Variants in SEMA6B observed in about 807,000 individuals in gnomAD.
The protein encoded by SEMA6B is semaphorin-6B.
SEMA6B carries 47 observed loss-of-function variants against 78.6 expected under a neutral mutation model. That is an observed-to-expected ratio of 0.60 (90% CI 0.47 to 0.76). The LOEUF (loss-of-function observed/expected upper bound fraction) is 0.76, where lower values mean the gene tolerates loss of function less well. SEMA6B is among the 30% of genes least tolerant of loss of function. The pLI is 0.00. For missense variants in SEMA6B, 1,213 were observed against 1,269.9 expected, an observed-to-expected ratio of 0.96 and a Z score of 0.68; for synonymous variants, 632 against 592.2, an observed-to-expected ratio of 1.07 and a Z score of -0.98.
intron 1 of SEMA6B, among the ~76,000 whole-genome samples, chr19:4,559,063 C>T (rs1480748886): frequency 6.6e-6 from 1 of 152,000 alleles, no homozygotes; most frequent in African/African-American, 2.4e-5. Flanking sequence ...GGTATGGTGG[C>T]CTGTGCCCGT....
intron 1 of SEMA6B, among the ~76,000 whole-genome samples, chr19:4,559,014 C>T (rs115046336): frequency 0.017 from 2,655 of 151,960 alleles, 93 homozygotes; most frequent in African/African-American, 0.061. Context: ...CCTAACATAG[C>T]GAAACCCTGT....
Position 4,543,488 on chromosome 19 carries a change from C to T in SEMA6B, c.*113G>A. ...GGCCCCCCACTCCGCGGGTGGGTCG[C>T]GGGGGGGACTTGAGCACCCACTCGG... is the stretch of plus-strand genomic sequence containing the variant. On this transcript the variant is annotated 3_prime_UTR_variant, in exon 17 of 17. Coordinates refer to ENST00000586582, the MANE Select transcript of SEMA6B (RefSeq NM_032108.4). 2.7e-6 allele frequency: 1 copy of T among 372,038 alleles called. No homozygotes were observed. The highest frequency in any genetic ancestry group is 4.5e-6 in the Non-Finnish European group (1 of 224,402). The allele number at this position is 372,038 out of a possible 1,614,324, so 23.0% of individuals were successfully genotyped here. A position where few individuals can be genotyped will look rare whatever the true frequency, so the allele number is the denominator to read the frequency against.
In SEMA6B at chr19:4,550,612, C is replaced by T. The variant is rs571122763; in HGVS notation, c.1121+187G>A. Among the ~76,000 whole-genome samples, 1 of 152,284 alleles carries T rather than the reference C, an allele frequency of 6.6e-6. No individual in the cohort carries two copies. Among genetic ancestry groups the T allele is most frequent in the African/African-American group, 2.4e-5 (1 of 41,558 alleles). On this transcript the variant is annotated intron_variant, in intron 11 of 16. Coordinates refer to ENST00000586582, the MANE Select transcript of SEMA6B (RefSeq NM_032108.4). This position sits in a 1 kb window ranked among gnomAD's most constrained non-coding sequence, Gnocchi z 6.6. The stretch of plus-strand genomic sequence containing the variant: ...CCCTCGACCTCAGGTGATCTGCCCA[C>T]CTCCGCCTCCCAAAGGGCTAGGATT...
Position 4,552,647 on chromosome 19 carries a change from T to G in SEMA6B, c.772-8A>C, listed in dbSNP as rs1977364215. On this transcript the variant is annotated splice_region_variant and splice_polypyrimidine_tract_variant and intron_variant, in intron 9 of 16. Transcript: ENST00000586582. This position sits in a 1 kb window ranked among gnomAD's most constrained non-coding sequence, Gnocchi z 7.4. ...CACGCGGGACACCACCACCTGGGCG[T>G]GACAGTGGACGGACGGGGGCCTGAG... The G allele has an allele frequency of 1.9e-6, 3 of 1,595,776 alleles. No homozygotes were observed. The highest frequency in any genetic ancestry group is 1.7e-6 in the Non-Finnish European group (2 of 1,169,038).
At chr19:4,551,018 C>T in intron 10 of SEMA6B, 88 bp from the exon 11 acceptor site, 1 of 1,472,868 alleles carries the variant, frequency 6.8e-7, no homozygotes. Flanking sequence ...TCTGCAGGAG[C>T]CAGTGAATCT....
chr19:4,557,093 C>G, intron 4 of SEMA6B, 70 bp downstream of exon 4: 1 of 1,592,350 alleles, frequency 6.3e-7, no homozygotes, highest in Non-Finnish European at 8.6e-7. Flanking sequence ...CCGAATCCAC[C>G]CAGCTCCCCG....
chr19:4,556,106 A>G lies in SEMA6B; in HGVS notation c.370-17T>C, dbSNP rs1221441392. The G allele has an allele frequency of 6.3e-6, 10 of 1,594,098 alleles. No individual in the cohort carries two copies. Among genetic ancestry groups the G allele is most frequent in the Non-Finnish European group, 8.6e-6 (10 of 1,162,006 alleles). On this transcript the variant is annotated splice_polypyrimidine_tract_variant and intron_variant, in intron 5 of 16. Transcript: ENST00000586582. ...ACACTCGCCCTGAGGTGGGGACAGG[A>G]GGAAGCGGGGAGCGCGATGTGGGCG...
intron 3 of SEMA6B, among the ~76,000 whole-genome samples, chr19:4,557,659 C>T (rs551490974): frequency 9.2e-5 from 14 of 152,294 alleles, no homozygotes; most frequent in Non-Finnish European, 1.6e-4. Context: ...GAAGCCCATC[C>T]CTAGAAGCCC....
In SEMA6B at chr19:4,542,627, GC is replaced by G; in HGVS notation, c.*973del. 1 of 542,186 alleles carries G rather than the reference GC, an allele frequency of 1.8e-6. No individual in the cohort carries two copies. The highest frequency in any genetic ancestry group is 3.4e-6 in the Non-Finnish European group (1 of 294,780). The allele number at this position is 542,186 out of a possible 1,614,324, so 33.6% of individuals were successfully genotyped here. A position where few individuals can be genotyped will look rare whatever the true frequency, so the allele number is the denominator to read the frequency against. The stretch of plus-strand genomic sequence containing the variant: ...ACAGAGTTTTATTGATGGGGAGGGG[GC>G]TGGGGGAGGCAAACTCCAGAGAGGG... On this transcript the variant is annotated 3_prime_UTR_variant, in exon 17 of 17. Coordinates refer to ENST00000586582, the MANE Select transcript of SEMA6B (RefSeq NM_032108.4).
intron 14 of SEMA6B, among the ~76,000 whole-genome samples, chr19:4,547,236 CT>C (rs1292234353): frequency 1.3e-5 from 2 of 152,120 alleles, no homozygotes; most frequent in Non-Finnish European, 2.9e-5. Flanking sequence ...CTCCCAAGTG[CT>C]GGGATGACAG....
chr19:4,556,815 G>T, intron 5 of SEMA6B, 136 bp downstream of exon 5: 1 of 783,388 alleles, frequency 1.3e-6, no homozygotes, highest in Non-Finnish European at 2.1e-6. Context: ...AGTTGGGCGG[G>T]GCCAGGGCTG....
Position 4,546,438 on chromosome 19 carries a change from C to G in SEMA6B, c.1633G>C (p.Gly545Arg). The change falls in exon 15 of 17, where the codon GGG becomes CGG. Residue 545 changes from glycine to arginine, a missense_variant. Physicochemically the swap from Gly to Arg is moderately radical, Grantham distance 125. Transcript: ENST00000586582. ...ATGCAGGAGCCGTCGGGGGCCCACC[C>G]GCAGTAGGGGTCCTGACTGCCGATA... ...NCIGSQDPYCGWAPDGSCIFL... is the reference protein window; with the variant it reads ...NCIGSQDPYCRWAPDGSCIFL... 6.3e-7 allele frequency: 1 copy of G among 1,575,604 alleles called. No individual in the cohort carries two copies.
intron 12 of SEMA6B, 49 bp from the exon 13 acceptor site, chr19:4,548,494 G>A (rs1243013391): frequency 6.4e-7 from 1 of 1,551,800 alleles, no homozygotes; most frequent in Admixed American, 1.7e-5. Flanking sequence ...ATCACCACAT[G>A]CCACCAACAC....
intron 3 of SEMA6B, 50 bp downstream of exon 3, chr19:4,557,976 C>G (rs769989272): frequency 3.1e-6 from 4 of 1,305,766 alleles, no homozygotes; most frequent in Non-Finnish European, 3.0e-6. Context: ...CTCTCTCCCC[C>G]TCGCTCATTC....
At position 4,543,026 on chromosome 19, in the gene SEMA6B, A is replaced by G. The variant is rs1977058987; in HGVS notation, c.*575T>C. The stretch of plus-strand genomic sequence containing the variant: ...CCACGATCGTCGCTCGTGGACACAC[A>G]CCCTGCACGCGTGGCCCACTTGACA... On this transcript the variant is annotated 3_prime_UTR_variant, in exon 17 of 17. Coordinates refer to ENST00000586582, the MANE Select transcript of SEMA6B (RefSeq NM_032108.4). 2.9e-6 allele frequency: 2 copies of G among 682,582 alleles called. No individual in the cohort carries two copies. Among genetic ancestry groups the G allele is most frequent in the Non-Finnish European group, 5.4e-6 (2 of 372,742 alleles). The allele number at this position is 682,582 out of a possible 1,614,324, so 42.3% of individuals were successfully genotyped here.
chr19:4,554,560 G>A lies in SEMA6B; in HGVS notation c.683-84C>T, dbSNP rs919429484. 3 of 1,069,194 alleles carry A rather than the reference G, an allele frequency of 2.8e-6. No homozygotes were observed. The African/African-American group carries it at 4.7e-5, about 17-fold the overall frequency. The allele number at this position is 1,069,194 out of a possible 1,614,324, so 66.2% of individuals were successfully genotyped here. On this transcript the variant is annotated intron_variant, in intron 8 of 16. Coordinates refer to ENST00000586582, the MANE Select transcript of SEMA6B (RefSeq NM_032108.4). Reference sequence around the variant, plus strand: ...CTAAGAACTCACTGGCTTTTATGGTGAAGGGGGGACATAGGCTGGTTACCC... The same window carrying A: ...CTAAGAACTCACTGGCTTTTATGGTAAAGGGGGGACATAGGCTGGTTACCC...
At position 4,543,737 on chromosome 19, in the gene SEMA6B, C is replaced by A; in HGVS notation, c.2531G>T (p.Arg844Leu). ...GCCGCTGTTGAACGTGTGGGTGCGG[C>A]GCAGGGTGGCGGCCGGAGGGGCGTG... ...GPHAPPAATL[R>L]RTHTFNSGEA... The change falls in exon 17 of 17, where the codon CGC (arginine) becomes CTC (leucine). Residue 844 changes from arginine (R) to leucine (L), a missense_variant. Coordinates refer to ENST00000586582, the MANE Select transcript of SEMA6B (RefSeq NM_032108.4). 5 of 1,227,654 alleles carry A rather than the reference C, an allele frequency of 4.1e-6. No homozygotes were observed. In the African/African-American group the frequency reaches 6.2e-5, roughly 15 times the overall value. 76.0% of individuals were successfully genotyped at this position (1,227,654 alleles called of 1,614,324 possible).
Position 4,544,449 on chromosome 19 carries a change from A to T in SEMA6B, c.1819T>A (p.Phe607Ile). The T allele has an allele frequency of 6.3e-7, 1 of 1,599,744 alleles. No individual in the cohort carries two copies. Among genetic ancestry groups the T allele is most frequent in the Non-Finnish European group, 8.5e-7 (1 of 1,174,142 alleles). ...NLLVTSSVAAFVVGAVVSGFS... is the reference protein window; with the variant it reads ...NLLVTSSVAAIVVGAVVSGFS... Reference sequence around the variant, plus strand: ...CCGGACACCACGGCTCCCACCACGAAGGCCGCCACCGACGACGTTACCAGC... The same window carrying T: ...CCGGACACCACGGCTCCCACCACGATGGCCGCCACCGACGACGTTACCAGC... The change falls in exon 17 of 17, where the codon TTC becomes ATC. Residue 607 changes from phenylalanine (F) to isoleucine (I), a missense_variant. Phe to Ile is a conservative substitution (Grantham distance 21, BLOSUM62 0). Transcript: ENST00000586582. The surrounding 1 kb of genome is among the most constrained non-coding windows in gnomAD (Gnocchi z 5.1).
At position 4,542,917 on chromosome 19, in the gene SEMA6B, A is replaced by G; in HGVS notation, c.*684T>C. ...CCCTCTGCAGAGTGGGGGGGGTTCA[A>G]ACTCCTAACCGGCACCTCGGAGACC... On this transcript the variant is annotated 3_prime_UTR_variant, in exon 17 of 17. Transcript: ENST00000586582. The G allele has an allele frequency of 1.4e-6, 1 of 700,996 alleles. No homozygotes were observed. Among genetic ancestry groups the G allele is most frequent in the South Asian group, 1.5e-5 (1 of 67,514 alleles). The allele number at this position is 700,996 out of a possible 1,614,324, so 43.4% of individuals were successfully genotyped here.
Sources: gnomAD v4.1 joint callset for allele counts (sites outside exome capture counted in the v4.1 genomes callset) on GRCh38, gnomAD v4.1.1 for gene constraint, Gnocchi (gnomAD v3.1) non-coding constraint, MANE v1.5 for transcripts, NCBI Gene and HGNC (gene_info 2026-07-23, HGNC 2026-07-21) for gene names.